Variants in PRRC2B observed in about 807,000 individuals in gnomAD.
The protein encoded by PRRC2B is proline rich coiled-coil 2B, also known as protein PRRC2B.
Under a neutral mutation model 242.3 loss-of-function variants are expected in PRRC2B, and 68 were observed. That is an observed-to-expected ratio of 0.28 (90% CI 0.23 to 0.34). PRRC2B has a LOEUF of 0.34. Ranked by LOEUF, PRRC2B falls within the 10% of genes least tolerant of loss-of-function variation. PRRC2B has a pLI of 1.00. For missense variants in PRRC2B, 2,835 were observed against 2,954.8 expected, an observed-to-expected ratio of 0.96 and a Z score of 0.94; for synonymous variants, 1,228 against 1,173.6, an observed-to-expected ratio of 1.05 and a Z score of -0.95.
At chr9:131,392,330 C>T (rs1285814473), upstream of PRRC2B, among the ~76,000 whole-genome samples, 10 of 152,036 alleles carry the variant, frequency 6.6e-5, no homozygotes, top group African/African-American at 2.4e-4. Context: ...AACTCCTGAC[C>T]GCATGATCCA....
rs776230400 is a variant in PRRC2B, at chr9:131,474,495, G to A, written c.2366G>A (p.Gly789Asp). 5.6e-6 allele frequency: 9 copies of A among 1,613,986 alleles called. No individual in the cohort carries two copies. The South Asian group carries it at 6.6e-5, about 12-fold the overall frequency. Residue 789 changes from glycine to aspartate, a missense_variant, in exon 16 of 32, where the codon GGC (glycine) becomes GAC (aspartate). By Grantham distance (94) the Gly-to-Asp change is moderately conservative. Transcript: ENST00000683519. ...SFSASLGRAG[G>D]VSAQRDLFEE... The stretch of plus-strand genomic sequence containing the variant: ...TCTGCCTCACTCGGAAGGGCAGGGG[G>A]CGTAAGTGCTCAGCGCGATCTCTTT...
intron 8 of PRRC2B, 29 bp from the exon 9 acceptor site, chr9:131,447,633 C>A (rs1158195343): frequency 2.6e-6 from 4 of 1,561,386 alleles, no homozygotes; most frequent in Non-Finnish European, 1.7e-6. Context: ...GTATACTGGA[C>A]ATGATTCCAT....
At chr9:131,469,702 C>T (rs1338908101) in intron 13 of PRRC2B, among the ~76,000 whole-genome samples, 1 of 152,176 alleles carries the variant, frequency 6.6e-6, no homozygotes, top group Non-Finnish European at 1.5e-5. Flanking sequence ...GCCTCAAGGC[C>T]AATTCAGGGT....
In PRRC2B at chr9:131,485,083, G is replaced by A. The variant is rs1245535587; in HGVS notation, c.5701G>A (p.Gly1901Arg). 1.9e-6 allele frequency: 3 copies of A among 1,605,114 alleles called. No individual in the cohort carries two copies. Among genetic ancestry groups the A allele is most frequent in the East Asian group, 4.5e-5 (2 of 44,518 alleles). Residue 1901 changes from glycine to arginine, a missense_variant, in exon 25 of 32, where the codon GGA becomes AGA. Physicochemically the swap from Gly to Arg is moderately radical, Grantham distance 125. Around this residue, in one of 7 missense-constraint regions of PRRC2B, gnomAD observed 574 missense variants for 626.0 expected, o/e 0.92. Transcript: ENST00000683519. ...CGGGGTCAACTACAGCTCCTTCGGT[G>A]GAGTGTCCATGCCACCCATGCCTGT... ...SSGVNYSSFG[G>R]VSMPPMPVAS...
Position 131,447,770 on chromosome 9 carries a change from C to T in PRRC2B, c.1086C>T (p.Asp362=), listed in dbSNP as rs759599108. ...IINAENLKGL[D]DLDADADDGW... ...ATGCGGAAAACCTGAAGGGCCTTGACGATCTGGACGCCGATGCCGATGATG... is the reference window on the plus strand; with the variant it reads ...ATGCGGAAAACCTGAAGGGCCTTGATGATCTGGACGCCGATGCCGATGATG... The change falls in exon 9 of 32, where the codon GAC becomes GAT. Residue 362 remains aspartate, a synonymous_variant. Coordinates refer to ENST00000683519, the MANE Select transcript of PRRC2B (RefSeq NM_013318.4). The T allele has an allele frequency of 9.3e-6, 15 of 1,613,472 alleles. No homozygotes were observed. Among genetic ancestry groups the T allele is most frequent in the Admixed American group, 3.3e-5 (2 of 59,986 alleles).
At position 131,436,720 on chromosome 9, in the gene PRRC2B, G is replaced by A. The variant is rs199625437; in HGVS notation, c.394G>A (p.Glu132Lys). The A allele has an allele frequency of 2.4e-5, 38 of 1,613,194 alleles. No homozygotes were observed. The African/African-American group carries it at 4.8e-4, about 20-fold the overall frequency. ...LQKPTQSISQ[E>K]NTNSVPGGPK... Reference sequence around the variant, plus strand: ...GAAACCGACACAGTCAATCAGTCAGGAGGTAGGTGCTGGGACCCCATCCCA... The same window carrying A: ...GAAACCGACACAGTCAATCAGTCAGAAGGTAGGTGCTGGGACCCCATCCCA... Residue 132 changes from glutamate (E) to lysine (K), a missense_variant and splice_region_variant, in exon 4 of 32, where the codon GAG (glutamate) becomes AAG (lysine). Physicochemically the swap from Glu to Lys is moderately conservative, Grantham distance 56 (BLOSUM62 1). Transcript: ENST00000683519.
chr9:131,389,552 T>C (rs977541886), upstream of PRRC2B, among the ~76,000 whole-genome samples: 5 of 150,636 alleles, frequency 3.3e-5, no homozygotes, highest in African/African-American at 9.7e-5. Flanking sequence ...GACACCTTGC[T>C]GGATGCTTTG....
chr9:131,420,471 T>TC (rs1288013182), intron 1 of PRRC2B, among the ~76,000 whole-genome samples: 7 of 19,756 alleles, frequency 3.5e-4, no homozygotes, highest in African/African-American at 1.1e-3. Context: ...CTTTCTTTCT[T>TC]TCTTTCTTTC....
At chr9:131,383,624 CAG>C (rs1359240209) in intron 1 of PRRC2B, among the ~76,000 whole-genome samples, 1 of 116,096 alleles carries the variant, frequency 8.6e-6, no homozygotes, top group African/African-American at 3.1e-5. Context: ...TTTTTTGAGA[CAG>C]AGTCTCGCCC....
intron 1 of PRRC2B, among the ~76,000 whole-genome samples, chr9:131,429,455 C>G (rs1479739527): frequency 6.6e-6 from 1 of 152,208 alleles, no homozygotes; most frequent in Non-Finnish European, 1.5e-5. Context: ...CTTGCTAGCC[C>G]TGGGGAGTTC....
chr9:131,442,020 T>A (rs1213800006), intron 5 of PRRC2B, among the ~76,000 whole-genome samples: 1 of 152,166 alleles, frequency 6.6e-6, no homozygotes, highest in African/African-American at 2.4e-5. Context: ...TAAGATTAAT[T>A]CATGCTTACA....
intron 6 of PRRC2B, among the ~76,000 whole-genome samples, chr9:131,445,777 T>C (rs1838780935): frequency 1.3e-5 from 2 of 152,188 alleles, no homozygotes; most frequent in African/African-American, 4.8e-5. Flanking sequence ...TCATTTGATT[T>C]CTTGTTGGCC....
At chr9:131,421,075 C>T (rs570819282) in intron 1 of PRRC2B, among the ~76,000 whole-genome samples, 38 of 152,320 alleles carry the variant, frequency 2.5e-4, no homozygotes, top group African/African-American at 7.9e-4. Context: ...TTCCATGCTA[C>T]GACGACAGCC....
intron 1 of PRRC2B, among the ~76,000 whole-genome samples, chr9:131,402,856 C>A (rs887117517): frequency 2.6e-5 from 4 of 152,126 alleles, no homozygotes; most frequent in African/African-American, 9.7e-5. Context: ...GTGCCGAGGC[C>A]CTTTGAATGG....
Position 131,477,748 on chromosome 9 carries a change from C to T in PRRC2B, c.4411C>T (p.Pro1471Ser), listed in dbSNP as rs778308647. Residue 1471 changes from proline (P) to serine (S), a missense_variant, in exon 17 of 32, where the codon CCA becomes TCA. Pro to Ser is a moderately conservative substitution (Grantham distance 74). Coordinates refer to ENST00000683519, the MANE Select transcript of PRRC2B (RefSeq NM_013318.4). ...AAGATCCTCTTTCCCTTACAGATCC[C>T]CAGACGAGGCCTTGCCTGGAGGTCT... ...NGTPLKVKRS[P>S]DEALPGGLSG... 1 of 1,597,098 alleles carries T rather than the reference C, an allele frequency of 6.3e-7. No individual in the cohort carries two copies. Among genetic ancestry groups the T allele is most frequent in the Non-Finnish European group, 8.5e-7 (1 of 1,169,972 alleles).
chr9:131,411,173 C>T (rs1425961954), intron 1 of PRRC2B, among the ~76,000 whole-genome samples: 1 of 151,678 alleles, frequency 6.6e-6, no homozygotes, highest in Non-Finnish European at 1.5e-5. Flanking sequence ...AGGAGAATCG[C>T]CTGAACCCGG....
At chr9:131,402,497 G>A (rs1050846349) in intron 1 of PRRC2B, among the ~76,000 whole-genome samples, 5 of 152,118 alleles carry the variant, frequency 3.3e-5, no homozygotes, top group African/African-American at 1.2e-4. Flanking sequence ...TTCATTCAGC[G>A]ACGGGCAGCA....
Position 131,430,242 on chromosome 9 carries a change from A to C in PRRC2B, c.98A>C (p.Asp33Ala). ...LFDKYKGKSV[D>A]AIRSSVIPRH... is the part of the protein sequence containing the mutation. ...GATAAGTATAAAGGAAAATCAGTAGACGCGATTAGATCCTCAGGTAAGGCC... is the reference window on the plus strand; with the variant it reads ...GATAAGTATAAAGGAAAATCAGTAGCCGCGATTAGATCCTCAGGTAAGGCC... Residue 33 changes from aspartate to alanine, a missense_variant, in exon 2 of 32, where the codon GAC becomes GCC. By Grantham distance (126) the Asp-to-Ala change is moderately radical. Transcript: ENST00000683519. The C allele has an allele frequency of 6.3e-7, 1 of 1,594,332 alleles. No homozygotes were observed. Among genetic ancestry groups the C allele is most frequent in the Non-Finnish European group, 8.6e-7 (1 of 1,169,158 alleles).
chr9:131,434,163 C>G (rs138469716), intron 3 of PRRC2B, among the ~76,000 whole-genome samples: 1 of 152,224 alleles, frequency 6.6e-6, no homozygotes, highest in Non-Finnish European at 1.5e-5. Flanking sequence ...TAGCCTAAAC[C>G]TGGCACAGAG....
Sources: allele counts gnomAD v4.1 joint callset (sites outside exome capture counted in the v4.1 genomes callset), GRCh38; gene constraint gnomAD v4.1.1; regional missense constraint gnomAD v4.1.1; transcripts MANE v1.5; gene names NCBI Gene and HGNC (gene_info 2026-07-23, HGNC 2026-07-21).